MACF1: variants seen among roughly 807,000 people sequenced by gnomAD.
MACF1 encodes microtubule actin crosslinking factor 1.
A neutral mutation model predicts 854.8 loss-of-function variants in MACF1; 193 were observed. The observed-to-expected ratio is 0.23, with a 90% CI of 0.20 to 0.25. The LOEUF is 0.25. MACF1 is among the 10% of genes least tolerant of loss of function. The probability of loss-of-function intolerance (pLI) is 1.00; values close to 1 mark genes in which losing one functional copy is unlikely to be tolerated. For missense variants in MACF1, 7,722 were observed against 8,929.1 expected (o/e 0.86, Z 5.45); for synonymous variants, 3,185 against 3,226.7 (o/e 0.99, Z 0.44).
In MACF1 at chr1:39,335,859, C is replaced by G. The variant is rs1366995060; in HGVS notation, c.9271C>G (p.Arg3091Gly). ...LTLKPEENLSREIACGAQSEP... is the reference protein window; with the variant it reads ...LTLKPEENLSGEIACGAQSEP... Reference sequence around the variant, plus strand: ...TTTAAAACCAGAAGAAAACTTATCTCGAGAAATTGCCTGTGGGGCCCAGAG... The same window carrying G: ...TTTAAAACCAGAAGAAAACTTATCTGGAGAAATTGCCTGTGGGGCCCAGAG... The change falls in exon 37 of 101, where the codon CGA (arginine) becomes GGA (glycine). Residue 3091 changes from arginine to glycine, a missense_variant. By Grantham distance (125) the Arg-to-Gly change is moderately radical. Transcript: ENST00000564288. 1.2e-6 allele frequency: 2 copies of G among 1,614,056 alleles called. No homozygotes were observed. The highest frequency in any genetic ancestry group is 1.7e-6 in the Non-Finnish European group (2 of 1,179,988).
rs112386326 is a variant in MACF1 at position 39,441,954 on chromosome 1, T to C, written c.18675T>C (p.Ala6225=). The C allele has an allele frequency of 9.9e-5, 160 of 1,613,092 alleles. No homozygotes were observed. The African/African-American group carries it at 1.4e-3, about 15-fold the overall frequency. The part of the protein sequence containing the change: ...AAVQYQDTLQ[A]MFDWLDNTVI... ...TGTTTACTTGTCTTTTGTTCTAGGC[T>C]ATGTTTGACTGGCTAGATAACACTG... The change falls in exon 75 of 101, where the codon GCT becomes GCC. Residue 6225 remains alanine (A), a splice_region_variant and synonymous_variant. Coordinates refer to ENST00000564288, the MANE Select transcript of MACF1 (RefSeq NM_001394062.1).
intron 58 of MACF1, chr1:39,414,254 AGG>A: frequency 6.2e-7 from 1 of 1,613,978 alleles, no homozygotes; most frequent in Non-Finnish European, 8.5e-7. Context: ...CCTCCTATGG[AGG>A]AAGTTTCCCC....
chr1:39,357,848 C>T lies in MACF1; in HGVS notation c.11898C>T (p.Asp3966=). The T allele has an allele frequency of 1.2e-6, 2 of 1,613,978 alleles. No individual in the cohort carries two copies. Among genetic ancestry groups the T allele is most frequent in the Non-Finnish European group, 1.7e-6 (2 of 1,179,952 alleles). Residue 3966 remains aspartate, a synonymous_variant, in exon 45 of 101, where the codon GAC becomes GAT. Transcript: ENST00000564288. ...EPSEIGNLVK[D]KLKDATERYT... ...CAGAAATTGGAAACTTAGTAAAGGA[C>T]AAGTTGAAGGATGCAACAGAAAGAT... is the stretch of plus-strand genomic sequence containing the variant.
intron 58 of MACF1, among the ~76,000 whole-genome samples, chr1:39,406,001 T>G (rs2148601272): frequency 6.6e-6 from 1 of 152,238 alleles, no homozygotes; most frequent in East Asian, 1.9e-4. Context: ...GAGAAACTCA[T>G]GAACAGATAA....
At chr1:39,397,344 C>T (rs929397716) in intron 58 of MACF1, among the ~76,000 whole-genome samples, 2 of 152,016 alleles carry the variant, frequency 1.3e-5, no homozygotes, top group African/African-American at 4.8e-5. Flanking sequence ...GGTGGATCAC[C>T]TGAGGTCAGA....
intron 1 of MACF1, among the ~76,000 whole-genome samples, chr1:39,207,820 A>G (rs1352502286): frequency 6.6e-6 from 1 of 152,172 alleles, no homozygotes; most frequent in Non-Finnish European, 1.5e-5. Context: ...ATTCTCTGCA[A>G]TAAAACACAA....
chr1:39,239,905 T>C (rs1308874099), intron 2 of MACF1, among the ~76,000 whole-genome samples: 1 of 152,194 alleles, frequency 6.6e-6, no homozygotes, highest in Non-Finnish European at 1.5e-5. Context: ...CTTCCTTCCT[T>C]CCTTCCGTCC....
chr1:39,126,727 C>T (rs1007684519), intron 2 of MACF1, among the ~76,000 whole-genome samples: 8 of 151,504 alleles, frequency 5.3e-5, no homozygotes, highest in Non-Finnish European at 8.8e-5. Flanking sequence ...GCAGAGATTG[C>T]GGTGAGCCAA....
chr1:39,185,772 C>T lies in MACF1; in HGVS notation c.221-45410C>T, dbSNP rs550173059. On this transcript the variant is annotated intron_variant, in intron 2 of 93. Transcript: ENST00000361689. ...TTACTTCTTAGAGAAGGGTGCTGGA[C>T]TTTCCGGGGGCTTAGTTAGCAATAT... Among the ~76,000 whole-genome samples, 4 of 152,264 alleles carry T rather than the reference C, an allele frequency of 2.6e-5. 1 individual carries two copies. In the South Asian group the frequency reaches 8.3e-4, roughly 32 times the overall value.
chr1:39,475,302 T>C (rs963478770), intron 97 of MACF1, among the ~76,000 whole-genome samples: 31 of 151,986 alleles, frequency 2.0e-4, no homozygotes, highest in Admixed American at 6.6e-5. Flanking sequence ...TAGAAATTCA[T>C]TCTGCAAAAT....
At chr1:39,463,394 G>A (rs1644596525) in intron 93 of MACF1, among the ~76,000 whole-genome samples, 1 of 151,570 alleles carries the variant, frequency 6.6e-6, no homozygotes, top group Admixed American at 6.6e-5. Context: ...GGGGGCTGAG[G>A]TAGGAGAATT....
intron 2 of MACF1, among the ~76,000 whole-genome samples, chr1:39,129,405 G>A (rs1642939719): frequency 6.6e-6 from 1 of 152,164 alleles, no homozygotes; most frequent in African/African-American, 2.4e-5. Context: ...AAGCTTCTTG[G>A]AACCAGCAGG....
At position 39,422,473 on chromosome 1, in the gene MACF1, G is replaced by A. The variant is rs1217052664; in HGVS notation, c.15916G>A (p.Val5306Ile). 3 of 1,614,022 alleles carry A rather than the reference G, an allele frequency of 1.9e-6. No individual in the cohort carries two copies. The highest frequency in any genetic ancestry group is 1.3e-5 in the African/African-American group (1 of 74,936). ...TCAGAGTGCAGGAAAAGACTGTGAT[G>A]TACAGGGTTTAGAACATGACATGGA... Reference protein sequence around the residue: ...LIQSAGKDCDVQGLEHDMEEI... With the variant: ...LIQSAGKDCDIQGLEHDMEEI... The change falls in exon 59 of 101, where the codon GTA (valine) becomes ATA (isoleucine). Residue 5306 changes from valine (V) to isoleucine (I), a missense_variant. Transcript: ENST00000564288.
chr1:39,155,761 C>T (rs1643670077), intron 2 of MACF1, among the ~76,000 whole-genome samples: 1 of 152,148 alleles, frequency 6.6e-6, no homozygotes, highest in African/African-American at 2.4e-5. Context: ...CTCTTGTTGC[C>T]CAGGCTGGAG....
intron 28 of MACF1, 138 bp from the exon 29 acceptor site, chr1:39,317,076 C>A: frequency 2.3e-6 from 2 of 867,744 alleles, no homozygotes; most frequent in East Asian, 5.4e-5. Flanking sequence ...GGAGGCAGTC[C>A]TGGCACAAAC....
At chr1:39,338,809 C>A (rs968183406) in intron 38 of MACF1, among the ~76,000 whole-genome samples, 2 of 152,184 alleles carry the variant, frequency 1.3e-5, no homozygotes, top group African/African-American at 4.8e-5. Context: ...TAAGTGGTTT[C>A]CCAACTGTAT....
At chr1:39,153,868 A>C (rs1323791716) in intron 2 of MACF1, among the ~76,000 whole-genome samples, 1 of 152,124 alleles carries the variant, frequency 6.6e-6, no homozygotes, top group African/African-American at 2.4e-5. Flanking sequence ...TCCACCAGAC[A>C]CTGCTGCCAG....
intron 61 of MACF1, among the ~76,000 whole-genome samples, chr1:39,424,430 G>C (rs1236437141): frequency 3.3e-5 from 5 of 152,098 alleles, no homozygotes; most frequent in African/African-American, 1.2e-4. Flanking sequence ...GCTCTGTGTG[G>C]TTGTTCTGCT....
chr1:39,276,296 G>T (rs906772427), intron 6 of MACF1, among the ~76,000 whole-genome samples: 1 of 151,970 alleles, frequency 6.6e-6, no homozygotes, highest in Non-Finnish European at 1.5e-5. Context: ...GAAACTTGAG[G>T]ACATAATAAT....
Sources: allele counts gnomAD v4.1 joint callset (sites outside exome capture counted in the v4.1 genomes callset), GRCh38; gene constraint gnomAD v4.1.1; transcripts MANE v1.5; gene names NCBI Gene and HGNC (gene_info 2026-07-23, HGNC 2026-07-21).